The following UNC80 variants were observed in gnomAD, a reference collection of about 807,000 sequenced individuals.
The protein encoded by UNC80 is protein unc-80 homolog.
UNC80 carries 164 observed loss-of-function variants against 384.6 expected under a neutral mutation model. That is an observed-to-expected ratio of 0.43 (90% CI 0.38 to 0.49). The LOEUF is 0.49. Ranked by LOEUF, UNC80 falls within the 20% of genes least tolerant of loss-of-function variation. The pLI is 0.00. For synonymous variants in UNC80, 1,486 were observed against 1,527.8 expected, an observed-to-expected ratio of 0.97 and a Z score of 0.64; for missense variants, 3,330 against 4,143.0, an observed-to-expected ratio of 0.80 and a Z score of 5.39.
At position 209,945,148 on chromosome 2, in the gene UNC80, T is replaced by C. The variant is rs764927727; in HGVS notation, c.7148T>C (p.Ile2383Thr). 1 of 1,551,520 alleles carries C rather than the reference T, an allele frequency of 6.4e-7. No homozygotes were observed. The highest frequency in any genetic ancestry group is 1.2e-5 in the South Asian group (1 of 84,056). Residue 2383 changes from isoleucine (I) to threonine (T), a missense_variant, in exon 46 of 65, where the codon ATC becomes ACC. By Grantham distance (89) the Ile-to-Thr change is moderately conservative. Transcript: ENST00000673920. ...LEGETTDILD[I>T]LELVKAEKPL... ...GGAGAGACCACCGACATATTAGACA[T>C]CTTAGAGCTGGTCAAAGCTGAGAAG...
intron 22 of UNC80, among the ~76,000 whole-genome samples, chr2:209,867,993 C>A (rs192049118): frequency 9.7e-4 from 147 of 152,296 alleles, no homozygotes; most frequent in African/African-American, 3.4e-3. Flanking sequence ...TGAGTAAGTG[C>A]TAAAATGACT....
intron 16 of UNC80, among the ~76,000 whole-genome samples, chr2:209,832,158 G>T (rs200666500): frequency 6.6e-6 from 1 of 152,082 alleles, no homozygotes; most frequent in South Asian, 2.1e-4. Flanking sequence ...GACTCAGGGG[G>T]AGGGTGGAAA....
At chr2:209,887,586 T>C (rs779693139) in intron 25 of UNC80, among the ~76,000 whole-genome samples, 6 of 152,218 alleles carry the variant, frequency 3.9e-5, no homozygotes, top group East Asian at 1.9e-4. Context: ...GGGGCTGTTA[T>C]TCTGTCGAGC....
intron 36 of UNC80, among the ~76,000 whole-genome samples, chr2:209,927,774 A>G (rs1057233166): frequency 6.6e-6 from 1 of 152,224 alleles, no homozygotes; most frequent in African/African-American, 2.4e-5. Flanking sequence ...TTTGACACAG[A>G]TTTGGCTTCT....
intron 22 of UNC80, among the ~76,000 whole-genome samples, chr2:209,866,508 A>G (rs1429630912): frequency 1.5e-5 from 2 of 134,524 alleles, no homozygotes; most frequent in South Asian, 2.6e-4. Flanking sequence ...ACACACACAC[A>G]CACACACACA....
chr2:209,834,935 A>C lies in UNC80; in HGVS notation c.2966A>C (p.Asp989Ala), dbSNP rs2081240730. 9 of 1,550,832 alleles carry C rather than the reference A, an allele frequency of 5.8e-6. No individual in the cohort carries two copies. The highest frequency in any genetic ancestry group is 7.9e-6 in the Non-Finnish European group (9 of 1,146,362). ...AGGTCAGAGGCGGGAAGCATTGTGGATAAAGGCCAGGTATCCTCTGCACCT... is the reference window on the plus strand; with the variant it reads ...AGGTCAGAGGCGGGAAGCATTGTGGCTAAAGGCCAGGTATCCTCTGCACCT... ...SKRSEAGSIV[D>A]KGQVSSAPEE... Residue 989 changes from aspartate (D) to alanine (A), a missense_variant, in exon 18 of 65, where the codon GAT becomes GCT. By Grantham distance (126) the Asp-to-Ala change is moderately radical. Transcript: ENST00000673920.
In UNC80 at chr2:209,834,921, G is replaced by C. The variant is rs151227494; in HGVS notation, c.2952G>C (p.Ala984=). ...SKPAGSKRSE[A]GSIVDKGQVS... ...TGCACCATTTGCATAGGTCAGAGGC[G>C]GGAAGCATTGTGGATAAAGGCCAGG... The change falls in exon 18 of 65, where the codon GCG becomes GCC. Residue 984 remains alanine, a synonymous_variant. Coordinates refer to ENST00000673920, the MANE Select transcript of UNC80 (RefSeq NM_001371986.1). 6.5e-7 allele frequency: 1 copy of C among 1,549,790 alleles called. No individual in the cohort carries two copies. The highest frequency in any genetic ancestry group is 1.2e-5 in the South Asian group (1 of 83,982).
chr2:209,918,583 C>T lies in UNC80; in HGVS notation c.5263C>T (p.Pro1755Ser), dbSNP rs1400815018. The T allele has an allele frequency of 6.4e-7, 1 of 1,552,060 alleles. No homozygotes were observed. Among genetic ancestry groups the T allele is most frequent in the African/African-American group, 1.4e-5 (1 of 73,032 alleles). Reference protein sequence around the residue: ...FTLPSPVLGMPSVPMFDPPWV... With the variant: ...FTLPSPVLGMSSVPMFDPPWV... ...CCTTCCCTCGCCGGTGCTTGGAATG[C>T]CATCCGTCCCAATGTTTGACCCACC... Residue 1755 changes from proline (P) to serine (S), a missense_variant, in exon 33 of 65, where the codon CCA becomes TCA. Pro to Ser is a moderately conservative substitution (Grantham distance 74). Coordinates refer to ENST00000673920, the MANE Select transcript of UNC80 (RefSeq NM_001371986.1).
At position 209,823,748 on chromosome 2, in the gene UNC80, C is replaced by T. The variant is rs1048738231; in HGVS notation, c.2332-2159C>T. Among the ~76,000 whole-genome samples, 9 of 151,834 alleles carry T rather than the reference C, an allele frequency of 5.9e-5. No homozygotes were observed. In the Middle Eastern group the frequency reaches 0.017, roughly 287 times the overall value. ...CCTTTCATGTTTTGACTCTAATTCTCACAACTCTATGAAATAGATATTATG... is the reference window on the plus strand; with the variant it reads ...CCTTTCATGTTTTGACTCTAATTCTTACAACTCTATGAAATAGATATTATG... On this transcript the variant is annotated intron_variant, in intron 13 of 64. Transcript: ENST00000673920.
In UNC80 at chr2:209,933,836, G is replaced by C; in HGVS notation, c.6009G>C (p.Met2003Ile). The C allele has an allele frequency of 6.4e-7, 1 of 1,550,912 alleles. No individual in the cohort carries two copies. Among genetic ancestry groups the C allele is most frequent in the Non-Finnish European group, 8.7e-7 (1 of 1,146,584 alleles). Residue 2003 changes from methionine (M) to isoleucine (I), a missense_variant, in exon 39 of 65, where the codon ATG becomes ATC. Met to Ile is a conservative substitution (Grantham distance 10, BLOSUM62 1). Around this residue, in one of 8 missense-constraint regions of UNC80, gnomAD observed 1,049 missense variants for 1,488.6 expected, o/e 0.70. Transcript: ENST00000673920. ...ILFNYLVGLI[M>I]YFVRTPCEWG... ...CTGACTTCTAGGTAGGATTAATCAT[G>C]TACTTTGTGCGGACCCCCTGCGAGT...
intron 26 of UNC80, 124 bp downstream of exon 26, chr2:209,888,384 T>A: frequency 9.6e-7 from 1 of 1,038,134 alleles, no homozygotes; most frequent in Non-Finnish European, 1.4e-6. Context: ...ACTGACTGTG[T>A]AGGCTTTATG....
intron 6 of UNC80, among the ~76,000 whole-genome samples, chr2:209,792,472 C>T (rs532809317): frequency 1.6e-4 from 25 of 152,202 alleles, no homozygotes; most frequent in African/African-American, 6.0e-4. Context: ...CTCAGCCTCC[C>T]GAGTAGCTGG....
At chr2:209,953,145 C>T (rs552985259) in intron 47 of UNC80, among the ~76,000 whole-genome samples, 7 of 152,014 alleles carry the variant, frequency 4.6e-5, no homozygotes, top group Non-Finnish European at 1.0e-4. Context: ...TGGCAGGGTG[C>T]GGTGGTTCAT....
intron 22 of UNC80, among the ~76,000 whole-genome samples, chr2:209,857,759 A>G (rs1423119830): frequency 2.0e-5 from 3 of 152,048 alleles, no homozygotes; most frequent in Admixed American, 2.0e-4. Flanking sequence ...TTTTGTTTTA[A>G]TTTACTTTTA....
chr2:209,896,296 G>T lies in UNC80; in HGVS notation c.4481-17G>T, dbSNP rs1207631548. ...AGACCGAACACTGAAACCTTTCTTG[G>T]TATTTTTCTTTTGAAGAAGGGAGTC... On this transcript the variant is annotated splice_polypyrimidine_tract_variant and intron_variant, in intron 27 of 64. Coordinates refer to ENST00000673920, the MANE Select transcript of UNC80 (RefSeq NM_001371986.1). 6.5e-7 allele frequency: 1 copy of T among 1,549,214 alleles called. No individual in the cohort carries two copies. The highest frequency in any genetic ancestry group is 1.2e-5 in the South Asian group (1 of 84,012).
intron 24 of UNC80, 102 bp from the exon 25 acceptor site, chr2:209,880,859 T>C: frequency 8.9e-7 from 1 of 1,125,156 alleles, no homozygotes; most frequent in East Asian, 2.6e-5. Context: ...CATTCTCATA[T>C]GCAATTTGAT....
At chr2:209,973,751 A>G (rs571870169) in intron 56 of UNC80, among the ~76,000 whole-genome samples, 2 of 152,298 alleles carry the variant, frequency 1.3e-5, no homozygotes, top group East Asian at 1.9e-4. Flanking sequence ...TCTGTCACCT[A>G]TATAAATGGA....
chr2:209,973,202 CT>C lies in UNC80; in HGVS notation c.8520del (p.Asp2842MetfsTer23). 1 of 1,551,696 alleles carries C rather than the reference CT, an allele frequency of 6.4e-7. No individual in the cohort carries two copies. Among genetic ancestry groups the C allele is most frequent in the Non-Finnish European group, 8.7e-7 (1 of 1,147,014 alleles). On this transcript the variant is annotated frameshift_variant, in exon 56 of 65. Coordinates refer to ENST00000673920, the MANE Select transcript of UNC80 (RefSeq NM_001371986.1). LOFTEE classifies it high-confidence loss of function. ...AGCTCCCCAGCCCACTGCTCCACCC[CT>C]GGGGATGCGGGGAAAGACTTGCGCA... ...LESSPAHCSTPGDAGKDLRRE... is the reference protein window; with the variant it reads ...LESSPAHCSTXGDAGKDLRRE...
intron 51 of UNC80, among the ~76,000 whole-genome samples, chr2:209,960,441 A>G (rs2092554502): frequency 6.6e-6 from 1 of 152,216 alleles, no homozygotes; most frequent in Non-Finnish European, 1.5e-5. Context: ...CCTTCTATTC[A>G]GATTTGTAAT....
Sources: allele counts gnomAD v4.1 joint callset (sites outside exome capture counted in the v4.1 genomes callset), GRCh38; gene constraint gnomAD v4.1.1; regional missense constraint gnomAD v4.1.1; transcripts MANE v1.5; gene names NCBI Gene and HGNC (gene_info 2026-07-23, HGNC 2026-07-21).